ENOX1: variants seen among roughly 807,000 people sequenced by gnomAD.
The protein encoded by ENOX1 is candidate growth-related and time keeping constitutive hydroquinone (NADH) oxidase.
ENOX1 carries 42 observed loss-of-function variants against 82.5 expected under a neutral mutation model. The ratio of observed to expected loss-of-function variants is 0.51; its 90% CI spans 0.40 to 0.66. ENOX1 has a LOEUF of 0.66. Ranked by LOEUF, ENOX1 falls within the 30% of genes least tolerant of loss-of-function variation. ENOX1 has a pLI of 0.00. For missense variants in ENOX1, 608 were observed against 811.6 expected (o/e 0.75, Z 3.05); for synonymous variants, 271 against 282.2 (o/e 0.96, Z 0.40).
rs185946786 is a variant in ENOX1, at chr13:43,704,843, T to C, written c.-284-37299A>G. On this transcript the variant is annotated intron_variant, in intron 1 of 16. Transcript: ENST00000690772. The stretch of plus-strand genomic sequence containing the variant: ...TAATTATTATCTTGAATTTGCAATT[T>C]AAGTCCTGCCAGATAGTGGGGGCTT... Among the ~76,000 whole-genome samples the C allele has an allele frequency of 1.8e-4, 27 of 152,330 alleles. No homozygotes were observed. In the East Asian group the frequency reaches 5.0e-3, roughly 28 times the overall value.
chr13:43,718,905 T>C (rs190198603), intron 1 of ENOX1, among the ~76,000 whole-genome samples: 136 of 152,206 alleles, frequency 8.9e-4, no homozygotes, highest in African/African-American at 3.2e-3. Flanking sequence ...AAGATCTCTA[T>C]GGAGAAACTT....
intron 9 of ENOX1, among the ~76,000 whole-genome samples, chr13:43,339,739 T>G (rs1424137792): frequency 5.3e-5 from 8 of 152,192 alleles, no homozygotes; most frequent in Non-Finnish European, 1.2e-4. Context: ...GGGGCTGCTA[T>G]GGAATAACCA....
At position 43,429,186 on chromosome 13, in the gene ENOX1, A is replaced by G. The variant is rs575196529; in HGVS notation, c.-74-16198T>C. On this transcript the variant is annotated intron_variant, in intron 3 of 16. Coordinates refer to ENST00000690772, the MANE Select transcript of ENOX1 (RefSeq NM_001347969.2). ...ACTTGATGCTTTCAAGCCTCATCTCACGAGTCATTGGAGAGGCTAACGTAT... is the reference window on the plus strand; with the variant it reads ...ACTTGATGCTTTCAAGCCTCATCTCGCGAGTCATTGGAGAGGCTAACGTAT... 1.2e-4 allele frequency among the ~76,000 whole-genome samples: 19 copies of G among 152,256 alleles called. 1 individual carries two copies. The highest frequency in any genetic ancestry group is 4.6e-4 in the African/African-American group (19 of 41,548).
intron 2 of ENOX1, chr13:43,544,269 A>G (rs1207215863): frequency 6.6e-6 from 1 of 152,208 alleles, no homozygotes; most frequent in Admixed American, 6.5e-5. Flanking sequence ...ATTCTCTCTG[A>G]GTGCCAGTTT....
intron 3 of ENOX1, among the ~76,000 whole-genome samples, chr13:43,440,014 C>G (rs535639207): frequency 6.6e-6 from 1 of 152,246 alleles, no homozygotes; most frequent in East Asian, 1.9e-4. Context: ...CTCGAGGAAA[C>G]CTTTGACTCC....
chr13:43,246,485 G>T (rs2043088263), intron 14 of ENOX1, among the ~76,000 whole-genome samples: 1 of 152,234 alleles, frequency 6.6e-6, no homozygotes. Flanking sequence ...CAGGGAGGAA[G>T]CCACCCACGG....
intron 3 of ENOX1, among the ~76,000 whole-genome samples, chr13:43,437,573 C>A (rs1019864144): frequency 6.6e-6 from 1 of 152,066 alleles, no homozygotes; most frequent in African/African-American, 2.4e-5. Context: ...TGACCTGGGG[C>A]AAAAGATACA....
chr13:43,522,465 T>C (rs2077811906), intron 2 of ENOX1, among the ~76,000 whole-genome samples: 1 of 152,126 alleles, frequency 6.6e-6, no homozygotes, highest in South Asian at 2.1e-4. Flanking sequence ...GAATCCTAGA[T>C]GATAATACAG....
rs11327997 is a variant in ENOX1 at position 43,766,961 on chromosome 13, T to TA, written c.-285+19690dup. 8.7e-4 allele frequency among the ~76,000 whole-genome samples: 130 copies of TA among 149,318 alleles called. 2 individuals carry two copies. Among genetic ancestry groups the TA allele is most frequent in the African/African-American group, 2.9e-3 (117 of 40,732 alleles). ...ATGGTGCCAAAATGAATGTCTCTCT[T>TA]AAAAAAAAAAAAATTGCCCAATTGA... On this transcript the variant is annotated intron_variant, in intron 1 of 16. Transcript: ENST00000690772.
At chr13:43,615,274 G>A (rs759200394) in intron 2 of ENOX1, among the ~76,000 whole-genome samples, 14 of 152,102 alleles carry the variant, frequency 9.2e-5, no homozygotes, top group Non-Finnish European at 1.8e-4. Flanking sequence ...GCTTTAAATT[G>A]TATCAGTGAC....
chr13:43,315,406 GCTTATA>G (rs749039397), intron 11 of ENOX1, among the ~76,000 whole-genome samples: 6 of 152,130 alleles, frequency 3.9e-5, no homozygotes, highest in Non-Finnish European at 8.8e-5. Context: ...CCTGAGTATT[GCTTATA>G]AATGAAAACG....
intron 2 of ENOX1, among the ~76,000 whole-genome samples, chr13:43,655,931 G>C (rs1047687729): frequency 6.6e-6 from 1 of 152,150 alleles, no homozygotes; most frequent in Non-Finnish European, 1.5e-5. Context: ...TAAGGTTTGG[G>C]TTCATATCCA....
chr13:43,600,394 C>A (rs1170818826), intron 2 of ENOX1, among the ~76,000 whole-genome samples: 4 of 152,070 alleles, frequency 2.6e-5, no homozygotes, highest in African/African-American at 9.7e-5. Flanking sequence ...GGTAGCCAGG[C>A]AGTACTCACT....
intron 12 of ENOX1, among the ~76,000 whole-genome samples, chr13:43,277,857 T>G (rs1487859466): frequency 6.6e-6 from 1 of 150,812 alleles, no homozygotes. Flanking sequence ...AAGGGAGGAG[T>G]GAGTTTTTTT....
At position 43,376,158 on chromosome 13, in the gene ENOX1, C is replaced by G. The variant is rs2153571422; in HGVS notation, c.209-14706G>C. Among the ~76,000 whole-genome samples, 3 of 152,182 alleles carry G rather than the reference C, an allele frequency of 2.0e-5. No homozygotes were observed. In the South Asian group the frequency reaches 6.2e-4, roughly 32 times the overall value. On this transcript the variant is annotated intron_variant, in intron 5 of 16. Coordinates refer to ENST00000690772, the MANE Select transcript of ENOX1 (RefSeq NM_001347969.2). ...ACCAAAACAGATCTTCATGTTTTTT[C>G]AAATACATTTGGTCAGTCAGTCAAA...
At chr13:43,745,507 A>G (rs1949976009) in intron 1 of ENOX1, among the ~76,000 whole-genome samples, 1 of 152,226 alleles carries the variant, frequency 6.6e-6, no homozygotes, top group African/African-American at 2.4e-5. Context: ...GTAAGAACAC[A>G]TACACTATAT....
intron 5 of ENOX1, among the ~76,000 whole-genome samples, chr13:43,375,655 G>A (rs2051579874): frequency 6.6e-6 from 1 of 152,182 alleles, no homozygotes; most frequent in Non-Finnish European, 1.5e-5. Flanking sequence ...TGAATAGTAT[G>A]TGGACTTCCT....
intron 2 of ENOX1, among the ~76,000 whole-genome samples, chr13:43,521,794 C>T (rs1040998113): frequency 1.1e-4 from 16 of 152,110 alleles, no homozygotes; most frequent in Non-Finnish European, 2.4e-4. Context: ...AATGGTGTCT[C>T]CAAGGCTTCA....
chr13:43,702,297 T>C (rs9533592), intron 1 of ENOX1, among the ~76,000 whole-genome samples: 4,954 of 152,212 alleles, frequency 0.033, 111 homozygotes, highest in Non-Finnish European at 0.049. Flanking sequence ...TTCTCACAAG[T>C]TCCAAAACAA....
Sources: gnomAD v4.1 joint callset for allele counts (sites outside exome capture counted in the v4.1 genomes callset) on GRCh38, gnomAD v4.1.1 for gene constraint, MANE v1.5 for transcripts, NCBI Gene and HGNC (gene_info 2026-07-23, HGNC 2026-07-21) for gene names.